Variants in SPIDR observed in about 807,000 individuals in gnomAD.
SPIDR encodes scaffold protein involved in DNA repair.
A neutral mutation model predicts 104.6 loss-of-function variants in SPIDR; 93 were observed. The ratio of observed to expected loss-of-function variants is 0.89; its 90% CI spans 0.75 to 1.06. The LOEUF (loss-of-function observed/expected upper bound fraction) is 1.06, where lower values mean the gene tolerates loss of function less well. Ranked by LOEUF, SPIDR falls within the 50% of genes least tolerant of loss-of-function variation. SPIDR has a pLI of 0.00. For synonymous variants in SPIDR, 431 were observed against 416.9 expected (o/e 1.03, Z -0.41); for missense variants, 1,154 against 1,111.2 (o/e 1.04, Z -0.55).
intron 11 of SPIDR, among the ~76,000 whole-genome samples, chr8:47,687,588 A>C (rs1409055839): frequency 6.6e-6 from 1 of 152,236 alleles, no homozygotes; most frequent in Non-Finnish European, 1.5e-5. Flanking sequence ...ATAATTGTAG[A>C]TTGTAACAAA....
At chr8:47,393,042 C>T (rs1554653478) in intron 5 of SPIDR, among the ~76,000 whole-genome samples, 2 of 152,120 alleles carry the variant, frequency 1.3e-5, no homozygotes, top group African/African-American at 4.8e-5. Flanking sequence ...TAGTCTTCTC[C>T]AGCCCTCGTG....
At chr8:47,363,943 G>A (rs1306873860) in intron 5 of SPIDR, among the ~76,000 whole-genome samples, 1 of 151,822 alleles carries the variant, frequency 6.6e-6, no homozygotes, top group Non-Finnish European at 1.5e-5. Context: ...GCTATTTTGG[G>A]GACATGAAGG....
At chr8:47,319,369 G>T (rs936908175) in intron 5 of SPIDR, among the ~76,000 whole-genome samples, 1 of 152,194 alleles carries the variant, frequency 6.6e-6, no homozygotes, top group Non-Finnish European at 1.5e-5. Flanking sequence ...TAATGGTAAA[G>T]GGATCAATTC....
At chr8:47,676,956 T>C (rs1563512633) in intron 11 of SPIDR, among the ~76,000 whole-genome samples, 1 of 152,240 alleles carries the variant, frequency 6.6e-6, no homozygotes, top group African/African-American at 2.4e-5. Flanking sequence ...GACGGACTAA[T>C]TTTTTGGATT....
chr8:47,654,258 C>A, intron 10 of SPIDR: 1 of 1,028,676 alleles, frequency 9.7e-7, no homozygotes, highest in South Asian at 1.3e-5. Flanking sequence ...GGTTGGGAAG[C>A]ACCTGCCTAA....
intron 7 of SPIDR, among the ~76,000 whole-genome samples, chr8:47,413,214 A>G (rs2063776275): frequency 6.6e-6 from 1 of 152,254 alleles, no homozygotes; most frequent in African/African-American, 2.4e-5. Flanking sequence ...TATCATTTGC[A>G]TACTGCGTTG....
intron 10 of SPIDR, among the ~76,000 whole-genome samples, chr8:47,671,008 C>T (rs1409900872): frequency 2.0e-5 from 3 of 152,074 alleles, no homozygotes; most frequent in South Asian, 4.1e-4. Context: ...CTCTTGGGCT[C>T]AAGGGATCCT....
At chr8:47,379,610 C>T (rs189957242) in intron 5 of SPIDR, among the ~76,000 whole-genome samples, 80 of 152,246 alleles carry the variant, frequency 5.3e-4, no homozygotes, top group African/African-American at 1.9e-3. Flanking sequence ...CCATGAGGTA[C>T]AGTGAAACAC....
chr8:47,327,371 T>C (rs1312967573), intron 5 of SPIDR, among the ~76,000 whole-genome samples: 1 of 152,082 alleles, frequency 6.6e-6, no homozygotes, highest in Non-Finnish European at 1.5e-5. Flanking sequence ...TTTTCTCATA[T>C]TCAGTAGGTG....
Position 47,396,586 on chromosome 8 carries a change from C to T in SPIDR, c.736C>T (p.Pro246Ser). 6.2e-7 allele frequency: 1 copy of T among 1,613,858 alleles called. No individual in the cohort carries two copies. Among genetic ancestry groups the T allele is most frequent in the Non-Finnish European group, 8.5e-7 (1 of 1,179,936 alleles). ...ACCTCAGAAACCCACAGCTAAGTTT[C>T]CCAGGACTCCAGAAAATTCAGCAAA... is the stretch of plus-strand genomic sequence containing the variant. ...HTPQKPTAKFPRTPENSAKKK... is the reference protein window; with the variant it reads ...HTPQKPTAKFSRTPENSAKKK... The change falls in exon 6 of 20, where the codon CCC becomes TCC. Residue 246 changes from proline to serine, a missense_variant. By Grantham distance (74) the Pro-to-Ser change is moderately conservative. Coordinates refer to ENST00000297423, the MANE Select transcript of SPIDR (RefSeq NM_001080394.4).
intron 8 of SPIDR, among the ~76,000 whole-genome samples, chr8:47,571,658 A>G (rs1290021789): frequency 6.6e-6 from 1 of 152,232 alleles, no homozygotes; most frequent in East Asian, 1.9e-4. Context: ...CAAGGAGGAT[A>G]TATTCCAATA....
intron 7 of SPIDR, among the ~76,000 whole-genome samples, chr8:47,428,314 C>A (rs1031017958): frequency 2.0e-5 from 3 of 150,298 alleles, no homozygotes; most frequent in African/African-American, 7.4e-5. Flanking sequence ...CAAGATTTCA[C>A]TAATTTCTTT....
intron 14 of SPIDR, among the ~76,000 whole-genome samples, chr8:47,705,675 TA>T (rs1177400691): frequency 6.6e-6 from 1 of 151,924 alleles, no homozygotes; most frequent in East Asian, 1.9e-4. Flanking sequence ...AGACTGAGGC[TA>T]GAGGATCTCT....
At chr8:47,719,611 C>A (rs550494079) in intron 16 of SPIDR, among the ~76,000 whole-genome samples, 20 of 152,272 alleles carry the variant, frequency 1.3e-4, no homozygotes, top group African/African-American at 4.8e-4. Flanking sequence ...CAAGCAGCTA[C>A]AGCTGGCCCA....
intron 8 of SPIDR, among the ~76,000 whole-genome samples, chr8:47,470,207 G>C (rs1325392754): frequency 1.3e-5 from 2 of 152,182 alleles, no homozygotes; most frequent in South Asian, 4.1e-4. Context: ...GAGAGAGATA[G>C]AGATCAATGG....
chr8:47,502,805 TG>T (rs2080756231), intron 8 of SPIDR, among the ~76,000 whole-genome samples: 1 of 152,238 alleles, frequency 6.6e-6, no homozygotes, highest in African/African-American at 2.4e-5. Flanking sequence ...CACACTGCTT[TG>T]AATATGTCCC....
chr8:47,438,861 T>C (rs2068851192), intron 7 of SPIDR, among the ~76,000 whole-genome samples: 1 of 151,990 alleles, frequency 6.6e-6, no homozygotes, highest in African/African-American at 2.4e-5. Flanking sequence ...TGGGGTTGAA[T>C]GGGAAATGAA....
At chr8:47,678,087 A>G (rs1040505205) in intron 11 of SPIDR, among the ~76,000 whole-genome samples, 22 of 152,080 alleles carry the variant, frequency 1.4e-4, no homozygotes, top group African/African-American at 4.8e-4. Context: ...TTCAGTAAAT[A>G]TTATTTAGTC....
intron 5 of SPIDR, among the ~76,000 whole-genome samples, chr8:47,297,791 C>T (rs1182708901): frequency 6.6e-6 from 1 of 152,166 alleles, no homozygotes; most frequent in African/African-American, 2.4e-5. Context: ...ATGAACTCAT[C>T]ATTTTTTATG....
Sources: gnomAD v4.1 joint callset for allele counts (sites outside exome capture counted in the v4.1 genomes callset) on GRCh38, gnomAD v4.1.1 for gene constraint, MANE v1.5 for transcripts, NCBI Gene and HGNC (gene_info 2026-07-23, HGNC 2026-07-21) for gene names.